COBLL1: variants seen among roughly 807,000 people sequenced by gnomAD.
The protein encoded by COBLL1 is cordon-bleu WH2 repeat protein like 1, also known as cordon-bleu protein-like 1.
COBLL1 carries 50 observed loss-of-function variants against 94.8 expected under a neutral mutation model. That is an observed-to-expected ratio of 0.53 (90% CI 0.42 to 0.67). The LOEUF (loss-of-function observed/expected upper bound fraction) is 0.67, where lower values mean the gene tolerates loss of function less well. COBLL1 is among the 30% of genes least tolerant of loss of function. The pLI, the probability that COBLL1 is intolerant of heterozygous loss-of-function variation, is 0.00. For missense variants in COBLL1, 1,362 were observed against 1,348.7 expected, an observed-to-expected ratio of 1.01 and a Z score of -0.15; for synonymous variants, 448 against 473.8, an observed-to-expected ratio of 0.95 and a Z score of 0.71.
intron 2 of COBLL1, among the ~76,000 whole-genome samples, chr2:164,807,091 A>C (rs1684198471): frequency 1.3e-5 from 2 of 152,130 alleles, no homozygotes; most frequent in African/African-American, 4.8e-5. Context: ...AGCCATTACA[A>C]CATTATTGTT....
intron 2 of COBLL1, among the ~76,000 whole-genome samples, chr2:164,815,914 T>A (rs941329477): frequency 6.6e-6 from 1 of 152,070 alleles, no homozygotes; most frequent in African/African-American, 2.4e-5. Context: ...GTAAAATTTC[T>A]TAGACCATCG....
intron 2 of COBLL1, among the ~76,000 whole-genome samples, chr2:164,763,377 C>T (rs1687786793): frequency 6.6e-6 from 1 of 152,028 alleles, no homozygotes; most frequent in Non-Finnish European, 1.5e-5. Context: ...TCATACCTTG[C>T]TGGTGGGAGA....
At chr2:164,675,528 C>G (rs990662384), downstream of COBLL1, among the ~76,000 whole-genome samples, 17 of 152,036 alleles carry the variant, frequency 1.1e-4, no homozygotes, top group Non-Finnish European at 2.2e-4. Context: ...AAAGAATCTT[C>G]AAGAAGTCAA....
At chr2:164,672,155 G>T (rs938547058) in intron 1 of COBLL1, among the ~76,000 whole-genome samples, 2 of 152,168 alleles carry the variant, frequency 1.3e-5, no homozygotes, top group African/African-American at 4.8e-5. Context: ...AGGCCTAGGA[G>T]TTGACTTAGT....
At chr2:164,778,807 T>C (rs1315297767) in intron 2 of COBLL1, among the ~76,000 whole-genome samples, 2 of 152,092 alleles carry the variant, frequency 1.3e-5, no homozygotes, top group African/African-American at 4.8e-5. Flanking sequence ...CAAGACCTGG[T>C]AGCACTGGGA....
chr2:164,731,665 CG>C (rs1234826043), intron 3 of COBLL1, among the ~76,000 whole-genome samples: 1 of 152,118 alleles, frequency 6.6e-6, no homozygotes, highest in Non-Finnish European at 1.5e-5. Context: ...TTAGGGTAAT[CG>C]GGTAGCCAGC....
At position 164,685,072 on chromosome 2, in the gene COBLL1, A is replaced by C. The variant is rs1683213221; in HGVS notation, c.*874T>G. On this transcript the variant is annotated 3_prime_UTR_variant, in exon 14 of 14. Coordinates refer to ENST00000652658, the MANE Select transcript of COBLL1 (RefSeq NM_001365672.2). ...TCATTTTACTTGAATTAAAACCAGA[A>C]TTTCTGGAACTTCCAAATAGTCTTT... 6.6e-6 allele frequency: 1 copy of C among 152,152 alleles called. No individual in the cohort carries two copies. Among genetic ancestry groups the C allele is most frequent in the Admixed American group, 6.5e-5 (1 of 15,272 alleles). The allele number at this position is 152,152 out of a possible 1,614,324, so 9.4% of individuals were successfully genotyped here. A position where few individuals can be genotyped will look rare whatever the true frequency, so the allele number is the denominator to read the frequency against.
At chr2:164,750,302 T>C (rs892019657) in intron 2 of COBLL1, among the ~76,000 whole-genome samples, 5 of 152,120 alleles carry the variant, frequency 3.3e-5, no homozygotes, top group Non-Finnish European at 7.4e-5. Context: ...ACCTACTCTA[T>C]ATTATTCCCC....
intron 2 of COBLL1, among the ~76,000 whole-genome samples, chr2:164,790,512 C>T (rs1559018950): frequency 6.6e-6 from 1 of 152,140 alleles, no homozygotes; most frequent in East Asian, 1.9e-4. Flanking sequence ...AGAAATGTCA[C>T]ACGCAATCTT....
intron 2 of COBLL1, among the ~76,000 whole-genome samples, chr2:164,758,455 A>C (rs933774113): frequency 6.6e-6 from 1 of 152,146 alleles, no homozygotes. Context: ...CCACAAAACC[A>C]TGTCCCAATG....
chr2:164,685,758 T>A lies in COBLL1; in HGVS notation c.*188A>T. On this transcript the variant is annotated 3_prime_UTR_variant, in exon 14 of 14. Transcript: ENST00000652658. ...TTCAACTCTTAAGGCAAAAAAAAGATCAAAAAATTACTATAAATTATAAAT... is the reference window on the plus strand; with the variant it reads ...TTCAACTCTTAAGGCAAAAAAAAGAACAAAAAATTACTATAAATTATAAAT... 1 of 393,238 alleles carries A rather than the reference T, an allele frequency of 2.5e-6. No homozygotes were observed. Among genetic ancestry groups the A allele is most frequent in the South Asian group, 1.1e-4 (1 of 8,718 alleles). 24.4% of individuals were successfully genotyped at this position (393,238 alleles called of 1,614,324 possible). A position where few individuals can be genotyped will look rare whatever the true frequency, so the allele number is the denominator to read the frequency against.
chr2:164,702,014 A>T (rs1684303126), intron 9 of COBLL1, among the ~76,000 whole-genome samples: 2 of 152,094 alleles, frequency 1.3e-5, no homozygotes, highest in African/African-American at 4.8e-5. Context: ...ATATATTTTT[A>T]AAATTTTATC....
chr2:164,762,013 T>G (rs73968248), intron 2 of COBLL1, among the ~76,000 whole-genome samples: 3,260 of 152,338 alleles, frequency 0.021, 110 homozygotes, highest in African/African-American at 0.074. Context: ...GATCATCATT[T>G]CTGAAAGGCT....
rs1421641987 is a variant in COBLL1, at chr2:164,783,809, A to G, written c.42-39934T>C. On this transcript the variant is annotated intron_variant, in intron 2 of 13. Transcript: ENST00000652658. ...TAGCGAGATCCAATCACGACAAAAT[A>G]TAAAAAATTAGCCAGGCATGGTGGT... Among the ~76,000 whole-genome samples, 6 of 152,080 alleles carry G rather than the reference A, an allele frequency of 3.9e-5. No individual in the cohort carries two copies. The East Asian group carries it at 7.8e-4, about 20-fold the overall frequency.
chr2:164,821,157 G>A (rs1360278632), intron 2 of COBLL1, among the ~76,000 whole-genome samples: 2 of 152,056 alleles, frequency 1.3e-5, no homozygotes, highest in African/African-American at 4.8e-5. Context: ...AAAGTGCTGG[G>A]ATTACAGGCA....
At position 164,682,008 on chromosome 2, in the gene COBLL1, A is replaced by G. The variant is rs1683064425; in HGVS notation, c.*3938T>C. Reference sequence around the variant, plus strand: ...AAGGAAAACCAACTGAAGATTCAGAACAAATAACTTCCTATTCTGGTATCC... The same window carrying G: ...AAGGAAAACCAACTGAAGATTCAGAGCAAATAACTTCCTATTCTGGTATCC... On this transcript the variant is annotated 3_prime_UTR_variant, in exon 14 of 14. Transcript: ENST00000652658. 1 of 152,220 alleles carries G rather than the reference A, an allele frequency of 6.6e-6. No individual in the cohort carries two copies. 9.4% of individuals were successfully genotyped at this position (152,220 alleles called of 1,614,324 possible).
chr2:164,834,967 G>A (rs1485400640), intron 2 of COBLL1, among the ~76,000 whole-genome samples: 1 of 152,128 alleles, frequency 6.6e-6, no homozygotes, highest in Non-Finnish European at 1.5e-5. Flanking sequence ...TAGGATAGCT[G>A]CTACAGGGAA....
At chr2:164,716,766 C>G (rs1685189333) in intron 7 of COBLL1, among the ~76,000 whole-genome samples, 1 of 152,044 alleles carries the variant, frequency 6.6e-6, no homozygotes, top group Non-Finnish European at 1.5e-5. Context: ...TTTATGTGAG[C>G]ATTTTCAGTA....
At chr2:164,766,835 T>C (rs1191318568) in intron 2 of COBLL1, among the ~76,000 whole-genome samples, 2 of 152,152 alleles carry the variant, frequency 1.3e-5, no homozygotes, top group Non-Finnish European at 2.9e-5. Context: ...GACCAACAGA[T>C]ATTCAAGAAC....
Sources: gnomAD v4.1 joint callset for allele counts (sites outside exome capture counted in the v4.1 genomes callset) on GRCh38, gnomAD v4.1.1 for gene constraint, MANE v1.5 for transcripts, NCBI Gene and HGNC (gene_info 2026-07-23, HGNC 2026-07-21) for gene names.